The following ANXA4 variants were observed in gnomAD, a reference collection of about 807,000 sequenced individuals.
The protein encoded by ANXA4 is annexin A4.
A neutral mutation model predicts 49.8 loss-of-function variants in ANXA4; 39 were observed. The ratio of observed to expected loss-of-function variants is 0.78; its 90% CI spans 0.61 to 1.02. ANXA4 has a LOEUF of 1.02. Among genes scored for constraint, ANXA4 ranks in the 50% least tolerant of loss-of-function variants. The pLI, the probability that ANXA4 is intolerant of heterozygous loss-of-function variation, is 0.00. For missense variants in ANXA4, 360 were observed against 410.1 expected (o/e 0.88, Z 1.05); for synonymous variants, 134 against 152.5 (o/e 0.88, Z 0.89).
At chr2:69,651,696 G>A (rs1237204571) in intron 1 of ANXA4, among the ~76,000 whole-genome samples, 1 of 151,302 alleles carries the variant, frequency 6.6e-6, no homozygotes, top group African/African-American at 2.4e-5. Flanking sequence ...TAGAGACAGC[G>A]TTTCACCATG....
intron 3 of ANXA4, among the ~76,000 whole-genome samples, chr2:69,729,082 C>T (rs995037813): frequency 2.6e-5 from 4 of 152,154 alleles, no homozygotes; most frequent in Non-Finnish European, 5.9e-5. Flanking sequence ...GGCACGATCT[C>T]GGCTCACTGC....
chr2:69,759,539 C>G (rs192092824), intron 1 of ANXA4, among the ~76,000 whole-genome samples: 73 of 152,268 alleles, frequency 4.8e-4, no homozygotes, highest in African/African-American at 1.7e-3. Context: ...ATTTTCAACA[C>G]TGCAGTGAAA....
At chr2:69,727,860 T>G (rs1670000933) in intron 3 of ANXA4, among the ~76,000 whole-genome samples, 1 of 152,236 alleles carries the variant, frequency 6.6e-6, no homozygotes, top group Admixed American at 6.5e-5. Context: ...GATCACACAT[T>G]GTATTTACTT....
At chr2:69,769,250 G>A (rs34612240) in intron 1 of ANXA4, among the ~76,000 whole-genome samples, 33,204 of 152,074 alleles carry the variant, frequency 0.22, 3,701 homozygotes, top group East Asian at 0.34. Context: ...GTGGGACCCA[G>A]TCAGCTTTCC....
At chr2:69,682,759 T>G (rs1677643344) in intron 2 of ANXA4, among the ~76,000 whole-genome samples, 1 of 152,202 alleles carries the variant, frequency 6.6e-6, no homozygotes, top group Non-Finnish European at 1.5e-5. Flanking sequence ...CATTGAGAAG[T>G]AAGGAGAAAT....
chr2:69,651,908 T>C (rs1396987576), intron 1 of ANXA4, among the ~76,000 whole-genome samples: 1 of 147,748 alleles, frequency 6.8e-6, no homozygotes, highest in African/African-American at 2.5e-5. Context: ...CTCAACTTCC[T>C]GGGTTCAAGC....
chr2:69,745,092 T>C (rs1176081483), intron 1 of ANXA4, among the ~76,000 whole-genome samples: 2 of 152,046 alleles, frequency 1.3e-5, no homozygotes, highest in Non-Finnish European at 2.9e-5. Flanking sequence ...AGTGAGATCC[T>C]GTCTCTAAAT....
At chr2:69,672,844 A>C (rs980034818) in intron 2 of ANXA4, among the ~76,000 whole-genome samples, 4 of 152,156 alleles carry the variant, frequency 2.6e-5, no homozygotes, top group Non-Finnish European at 5.9e-5. Flanking sequence ...TGACGCTGGT[A>C]GTGGCTTTAT....
At chr2:69,679,123 A>T (rs528075078) in intron 2 of ANXA4, among the ~76,000 whole-genome samples, 101 of 152,124 alleles carry the variant, frequency 6.6e-4, no homozygotes, top group African/African-American at 2.3e-3. Context: ...GTGGTTTTTT[A>T]AATTTTATTT....
chr2:69,721,993 T>C (rs1669823617), intron 3 of ANXA4, among the ~76,000 whole-genome samples: 1 of 152,190 alleles, frequency 6.6e-6, no homozygotes, highest in African/African-American at 2.4e-5. Flanking sequence ...GCTATCCTCT[T>C]CTATAAAATA....
At chr2:69,730,609 T>G (rs1246620287) in intron 3 of ANXA4, among the ~76,000 whole-genome samples, 1 of 152,224 alleles carries the variant, frequency 6.6e-6, no homozygotes, top group Non-Finnish European at 1.5e-5. Context: ...ACCCACTGTC[T>G]GCTCAGTATC....
At chr2:69,646,548 G>T (rs1353238383) in intron 1 of ANXA4, among the ~76,000 whole-genome samples, 2 of 152,204 alleles carry the variant, frequency 1.3e-5, no homozygotes, top group African/African-American at 2.4e-5. Flanking sequence ...TGGGTAAATA[G>T]TCAAAGGGAG....
At chr2:69,674,811 T>A (rs1346596046) in intron 2 of ANXA4, among the ~76,000 whole-genome samples, 2 of 152,140 alleles carry the variant, frequency 1.3e-5, no homozygotes, top group Non-Finnish European at 2.9e-5. Flanking sequence ...ATACCTATTC[T>A]CTGTCATCCT....
intron 2 of ANXA4, among the ~76,000 whole-genome samples, chr2:69,655,544 A>G (rs1251211485): frequency 6.6e-6 from 1 of 152,196 alleles, no homozygotes; most frequent in African/African-American, 2.4e-5. Context: ...GCAGGAGAGG[A>G]TGTGGAGAAA....
chr2:69,716,632 C>T (rs1669643656), intron 2 of ANXA4, among the ~76,000 whole-genome samples: 1 of 152,072 alleles, frequency 6.6e-6, no homozygotes. Flanking sequence ...GAGAAGATCA[C>T]TCGGGAGAAC....
At chr2:69,748,368 G>A (rs1243728665) in intron 1 of ANXA4, among the ~76,000 whole-genome samples, 1 of 150,426 alleles carries the variant, frequency 6.6e-6, no homozygotes, top group Non-Finnish European at 1.5e-5. Context: ...GACAGAGTGA[G>A]ATTCCTTCCG....
chr2:69,745,603 T>C (rs1179702872), intron 1 of ANXA4, among the ~76,000 whole-genome samples: 1 of 152,100 alleles, frequency 6.6e-6, no homozygotes, highest in Non-Finnish European at 1.5e-5. Flanking sequence ...CCATCTCAGC[T>C]CACTGCAACC....
chr2:69,649,490 T>C (rs17036900), intron 1 of ANXA4, among the ~76,000 whole-genome samples: 10,766 of 151,582 alleles, frequency 0.071, 1,118 homozygotes, highest in East Asian at 0.37. Context: ...CTTTTAGTAG[T>C]TGCTTAGTAA....
chr2:69,707,256 C>A (rs189066429), intron 2 of ANXA4, among the ~76,000 whole-genome samples: 2 of 152,302 alleles, frequency 1.3e-5, no homozygotes, highest in African/African-American at 4.8e-5. Context: ...AAGTAGGTCT[C>A]GGCTAGCATT....
Sources: gnomAD v4.1 joint callset for allele counts (sites outside exome capture counted in the v4.1 genomes callset) on GRCh38, gnomAD v4.1.1 for gene constraint, MANE v1.5 for transcripts, NCBI Gene and HGNC (gene_info 2026-07-23, HGNC 2026-07-21) for gene names.